The following SEPTIN10 variants were observed in gnomAD, a reference collection of about 807,000 sequenced individuals.
SEPTIN10 encodes septin-10.
A neutral mutation model predicts 54.8 loss-of-function variants in SEPTIN10; 66 were observed. The ratio of observed to expected loss-of-function variants is 1.21; its 90% CI spans 0.99 to 1.48. The LOEUF is 1.48. Among genes scored for constraint, SEPTIN10 ranks in the 40% most tolerant of loss-of-function variants. The pLI is 0.00. For synonymous variants in SEPTIN10, 161 were observed against 181.0 expected (o/e 0.89, Z 0.89); for missense variants, 620 against 545.6 (o/e 1.14, Z -1.36).
At chr2:109,577,263 A>G (rs1689896784) in intron 4 of SEPTIN10, among the ~76,000 whole-genome samples, 1 of 152,210 alleles carries the variant, frequency 6.6e-6, no homozygotes. Flanking sequence ...ATGGTAATAA[A>G]CATATACTGG....
At chr2:109,563,099 CG>C (rs1171639618) in intron 8 of SEPTIN10, among the ~76,000 whole-genome samples, 3 of 152,042 alleles carry the variant, frequency 2.0e-5, no homozygotes, top group Non-Finnish European at 4.4e-5. Flanking sequence ...TTAGTAAAGA[CG>C]GGGTTTCACC....
chr2:109,560,668 A>G (rs1156247912), intron 8 of SEPTIN10, among the ~76,000 whole-genome samples: 1 of 152,202 alleles, frequency 6.6e-6, no homozygotes, highest in East Asian at 1.9e-4. Context: ...CAAAGTCAAC[A>G]GGTCCCAAAC....
intron 1 of SEPTIN10, among the ~76,000 whole-genome samples, chr2:109,603,892 T>G (rs559492014): frequency 6.6e-6 from 1 of 152,036 alleles, no homozygotes; most frequent in South Asian, 2.1e-4. Context: ...CCGGGCACGG[T>G]GGCTCACACC....
At chr2:109,596,726 T>A (rs1477728642) in intron 1 of SEPTIN10, among the ~76,000 whole-genome samples, 1 of 152,212 alleles carries the variant, frequency 6.6e-6, no homozygotes, top group Non-Finnish European at 1.5e-5. Context: ...ATATCAAATA[T>A]CTGCTTTTGT....
intron 4 of SEPTIN10, among the ~76,000 whole-genome samples, chr2:109,579,031 T>C (rs979022640): frequency 6.6e-6 from 1 of 152,094 alleles, no homozygotes; most frequent in Non-Finnish European, 1.5e-5. Flanking sequence ...TGACAACACT[T>C]TGTCAAGACT....
intron 1 of SEPTIN10, among the ~76,000 whole-genome samples, chr2:109,599,757 T>C (rs1696204031): frequency 6.6e-6 from 1 of 152,178 alleles, no homozygotes; most frequent in Non-Finnish European, 1.5e-5. Context: ...AGTCTCAAGC[T>C]TAACAAAAGC....
chr2:109,599,155 A>C (rs1049253215), intron 1 of SEPTIN10, among the ~76,000 whole-genome samples: 8 of 151,548 alleles, frequency 5.3e-5, no homozygotes, highest in Admixed American at 5.3e-4. Flanking sequence ...TACAACCCAG[A>C]AAAAAAAGAA....
rs764809526 is a variant in SEPTIN10 at position 109,564,443 on chromosome 2, C to T, written c.951G>A (p.Arg317=). 2.5e-6 allele frequency: 4 copies of T among 1,599,220 alleles called. No individual in the cohort carries two copies. In the Admixed American group the frequency reaches 5.1e-5, roughly 20 times the overall value. Residue 317 remains arginine, a synonymous_variant, in exon 8 of 11, where the codon AGG becomes AGA. Transcript: ENST00000397712. The part of the protein sequence containing the change: ...MEDLREQTHT[R]HYELYRRCKL... ...TGCAGCGCCTGTAAAGCTCATAGTG[C>T]CTGGTATGGGTCTGCTCTCGCAGGT...
intron 8 of SEPTIN10, among the ~76,000 whole-genome samples, chr2:109,563,368 C>T (rs977181947): frequency 1.3e-5 from 2 of 152,232 alleles, no homozygotes; most frequent in African/African-American, 4.8e-5. Flanking sequence ...ACTCCTCCCC[C>T]TTTCTTTTGT....
chr2:109,550,498 G>T (rs976588290), intron 9 of SEPTIN10, among the ~76,000 whole-genome samples: 4 of 151,784 alleles, frequency 2.6e-5, no homozygotes, highest in African/African-American at 7.3e-5. Flanking sequence ...ATTTTTAGTA[G>T]AGATGGGGTT....
intron 2 of SEPTIN10, among the ~76,000 whole-genome samples, chr2:109,591,754 C>T (rs189829601): frequency 6.1e-4 from 92 of 151,922 alleles, no homozygotes; most frequent in African/African-American, 1.9e-3. Flanking sequence ...AAAAATTGGC[C>T]GAGTGTGGTG....
Position 109,613,902 on chromosome 2 carries a change from G to C in SEPTIN10, c.-75C>G. 8.2e-7 allele frequency: 1 copy of C among 1,224,374 alleles called. No individual in the cohort carries two copies. The highest frequency in any genetic ancestry group is 1.0e-6 in the Non-Finnish European group (1 of 983,644). The allele number at this position is 1,224,374 out of a possible 1,614,324, so 75.8% of individuals were successfully genotyped here. ...CGGCTGGTCCCGGCGACGGCGGCGG[G>C]AAGGCCGGAGGGCAGAAGCAACGGG... On this transcript the variant is annotated 5_prime_UTR_variant, in exon 1 of 11. Transcript: ENST00000397712.
intron 9 of SEPTIN10, among the ~76,000 whole-genome samples, chr2:109,547,878 G>T (rs1311338620): frequency 6.6e-6 from 1 of 152,116 alleles, no homozygotes; most frequent in Non-Finnish European, 1.5e-5. Flanking sequence ...TGCCACCCTG[G>T]GTAGTTCTTT....
chr2:109,576,328 G>A (rs1705378317), intron 4 of SEPTIN10, among the ~76,000 whole-genome samples: 1 of 151,916 alleles, frequency 6.6e-6, no homozygotes, highest in African/African-American at 2.4e-5. Flanking sequence ...TGAACTCCTG[G>A]CCTTAAGCAA....
chr2:109,567,662 A>G (rs995502152), intron 6 of SEPTIN10, among the ~76,000 whole-genome samples, 153 bp downstream of exon 6: 5 of 152,236 alleles, frequency 3.3e-5, no homozygotes, highest in Non-Finnish European at 5.9e-5. Flanking sequence ...TTAAAAAACT[A>G]AACATTTTCT....
intron 9 of SEPTIN10, among the ~76,000 whole-genome samples, chr2:109,548,773 C>A (rs1338876452): frequency 3.1e-5 from 1 of 31,868 alleles, no homozygotes; most frequent in Admixed American, 3.5e-4. Flanking sequence ...TAGGCTCCAT[C>A]TCAAAAAAAA....
In SEPTIN10 at chr2:109,548,935, T is replaced by C. The variant is rs572314299; in HGVS notation, c.1162-2698A>G. Reference sequence around the variant, plus strand: ...GTTGTCCTGTGAGCCAGTGACCACCTGATAGGAGAAGTATTCCAAGGGAAA... The same window carrying C: ...GTTGTCCTGTGAGCCAGTGACCACCCGATAGGAGAAGTATTCCAAGGGAAA... On this transcript the variant is annotated intron_variant, in intron 9 of 10. Transcript: ENST00000397712. 2.6e-5 allele frequency among the ~76,000 whole-genome samples: 4 copies of C among 152,320 alleles called. 1 individual carries two copies. The highest frequency in any genetic ancestry group is 9.6e-5 in the African/African-American group (4 of 41,568).
At chr2:109,558,979 G>C (rs989921878) in intron 8 of SEPTIN10, among the ~76,000 whole-genome samples, 2 of 151,830 alleles carry the variant, frequency 1.3e-5, no homozygotes, top group African/African-American at 4.8e-5. Context: ...TCCACCTCCT[G>C]GGTTCAAGCA....
At chr2:109,560,861 A>C (rs1431111601) in intron 8 of SEPTIN10, among the ~76,000 whole-genome samples, 1 of 151,970 alleles carries the variant, frequency 6.6e-6, no homozygotes, top group African/African-American at 2.4e-5. Context: ...CCAAACAACC[A>C]CTAAGTTCTT....
Sources: gnomAD v4.1 joint callset for allele counts (sites outside exome capture counted in the v4.1 genomes callset) on GRCh38, gnomAD v4.1.1 for gene constraint, MANE v1.5 for transcripts, NCBI Gene and HGNC (gene_info 2026-07-23, HGNC 2026-07-21) for gene names.